NPVF: variants seen among roughly 807,000 people sequenced by gnomAD.
The protein encoded by NPVF is pro-FMRFamide-related neuropeptide VF.
Under a neutral mutation model 15.7 loss-of-function variants are expected in NPVF, and 17 were observed. That is an observed-to-expected ratio of 1.08 (90% CI 0.74 to 1.62). The LOEUF (loss-of-function observed/expected upper bound fraction) is 1.62, where lower values mean the gene tolerates loss of function less well. Ranked by LOEUF, NPVF falls within the 40% of genes most tolerant of loss-of-function variation. The probability of loss-of-function intolerance (pLI) is 0.00; values close to 1 mark genes in which losing one functional copy is unlikely to be tolerated. For synonymous variants in NPVF, 70 were observed against 80.1 expected (o/e 0.87, Z 0.67); for missense variants, 270 against 225.2 (o/e 1.20, Z -1.27).
intron 1 of NPVF, among the ~76,000 whole-genome samples, chr7:25,227,333 T>A (rs182622763): frequency 1.3e-4 from 20 of 152,338 alleles, no homozygotes; most frequent in South Asian, 2.1e-4. Flanking sequence ...TTTATTTTAC[T>A]GCAGTTATTC....
rs770081627 is a variant in NPVF, at chr7:25,226,880, G to A, written c.285C>T (p.Asn95=). The A allele has an allele frequency of 2.6e-5, 42 of 1,614,132 alleles. No homozygotes were observed. The highest frequency in any genetic ancestry group is 2.8e-5 in the Non-Finnish European group (33 of 1,180,012). ...FANLPLRFGR[N]VQEERSAGAT... ...CTCCAGCACTTCTTTCTTCTTGAAC[G>A]TTCCTCCCAAATCTCAATGGCAAGT... The change falls in exon 2 of 3, where the codon AAC becomes AAT. Residue 95 remains asparagine, a synonymous_variant. Coordinates refer to ENST00000222674, the MANE Select transcript of NPVF (RefSeq NM_022150.3).
chr7:25,228,209 C>A (rs1783155039), intron 1 of NPVF, 93 bp downstream of exon 1: 1 of 898,874 alleles, frequency 1.1e-6, no homozygotes, highest in South Asian at 1.5e-5. Context: ...GAGTACACAC[C>A]AACTTACTTC....
chr7:25,227,618 T>C (rs770127946), intron 1 of NPVF, among the ~76,000 whole-genome samples: 6 of 152,204 alleles, frequency 3.9e-5, no homozygotes, highest in Non-Finnish European at 8.8e-5. Flanking sequence ...ATAAAATACA[T>C]TTTTAGCAAA....
In NPVF at chr7:25,226,783, G is replaced by C. The variant is rs1263762257; in HGVS notation, c.382C>G (p.Pro128Ala). The C allele has an allele frequency of 1.7e-5, 28 of 1,613,992 alleles. No individual in the cohort carries two copies. ...VSLVRRVPNL[P>A]QRFGRTTTAK... ...GTTGTTGTTCTCCCAAACCTTTGGG[G>C]CAGGTTAGGAACACGTCTCACGAGG... The change falls in exon 2 of 3, where the codon CCC (proline) becomes GCC (alanine). Residue 128 changes from proline to alanine, a missense_variant. Pro to Ala is a conservative substitution (Grantham distance 27). Coordinates refer to ENST00000222674, the MANE Select transcript of NPVF (RefSeq NM_022150.3).
chr7:25,226,322 C>T (rs1024511266), intron 2 of NPVF, among the ~76,000 whole-genome samples: 6 of 152,098 alleles, frequency 3.9e-5, no homozygotes, highest in African/African-American at 9.7e-5. Context: ...AGAGGTCCAG[C>T]GTTTAGACAA....
At chr7:25,227,996 C>T (rs1041690265) in intron 1 of NPVF, among the ~76,000 whole-genome samples, 2 of 152,094 alleles carry the variant, frequency 1.3e-5, no homozygotes, top group Non-Finnish European at 2.9e-5. Flanking sequence ...CTGAAATGTA[C>T]CCAAATCTTA....
chr7:25,226,722 C>T lies in NPVF; in HGVS notation c.443G>A (p.Cys148Tyr). ...KSVCRMLSDL[C>Y]QGSMHSPCAN... The stretch of plus-strand genomic sequence containing the variant: ...ACATGGTGAATGCATGGATCCTTGA[C>T]ACAAATCACTCAGCATCCTGCAGAC... Residue 148 changes from cysteine to tyrosine, a missense_variant, in exon 2 of 3, where the codon TGT becomes TAT. Cys to Tyr is a radical substitution (Grantham distance 194). Coordinates refer to ENST00000222674, the MANE Select transcript of NPVF (RefSeq NM_022150.3). 1 of 1,614,180 alleles carries T rather than the reference C, an allele frequency of 6.2e-7. No homozygotes were observed. The highest frequency in any genetic ancestry group is 8.5e-7 in the Non-Finnish European group (1 of 1,180,030).
Position 25,228,363 on chromosome 7 carries a change from C to CA in NPVF, c.76dup (p.Cys26LeufsTer4). The CA allele has an allele frequency of 1.9e-6, 3 of 1,559,148 alleles. No homozygotes were observed. The highest frequency in any genetic ancestry group is 2.7e-6 in the Non-Finnish European group (3 of 1,131,268). ...ATTGGACATCACTAATTCATCTGCA[C>CA]AAAAAATGTTTGATGTTAACAAGCT... On this transcript the variant is annotated frameshift_variant, in exon 1 of 3. Transcript: ENST00000222674. LOFTEE classifies it high-confidence loss of function.
rs1783130901 is a variant in NPVF, at chr7:25,226,524, C to G, written c.539+102G>C. 16 of 1,363,276 alleles carry G rather than the reference C, an allele frequency of 1.2e-5. No individual in the cohort carries two copies. In the South Asian group the frequency reaches 1.9e-4, roughly 16 times the overall value. The allele number at this position is 1,363,276 out of a possible 1,614,324, so 84.4% of individuals were successfully genotyped here. On this transcript the variant is annotated intron_variant, in intron 2 of 2. Transcript: ENST00000222674. ...CCTCTCTCTCCTGCTAGGAAACTTA[C>G]TGTCTTAGAAACTTATGTTGAAAAG...
intron 1 of NPVF, among the ~76,000 whole-genome samples, chr7:25,227,609 T>C (rs1006620892): frequency 6.6e-6 from 1 of 152,196 alleles, no homozygotes; most frequent in African/African-American, 2.4e-5. Context: ...TATTAGAATA[T>C]AAAATACATT....
chr7:25,226,053 C>T (rs953529783), intron 2 of NPVF, among the ~76,000 whole-genome samples: 7 of 152,116 alleles, frequency 4.6e-5, no homozygotes, highest in Non-Finnish European at 8.8e-5. Flanking sequence ...TTTTTTTAAG[C>T]ATACGCTCTC....
Position 25,226,910 on chromosome 7 carries a change from G to A in NPVF, c.255C>T (p.Phe85=), listed in dbSNP as rs115225161. 663 of 1,614,066 alleles carry A rather than the reference G, an allele frequency of 4.1e-4. 2 individuals carry two copies. The African/African-American group carries it at 7.5e-3, about 18-fold the overall frequency. The change falls in exon 2 of 3, where the codon TTC becomes TTT. Residue 85 remains phenylalanine, a synonymous_variant. Transcript: ENST00000222674. Reference sequence around the variant, plus strand: ...TCCCAAATCTCAATGGCAAGTTGGCGAAGGAGTGTGGCATTTTATTGACTG... The same window carrying A: ...TCCCAAATCTCAATGGCAAGTTGGCAAAGGAGTGTGGCATTTTATTGACTG... ...TPAVNKMPHS[F]ANLPLRFGRN... is the part of the protein sequence containing the mutation.
Position 25,226,838 on chromosome 7 carries a change from A to G in NPVF, c.327T>C (p.Pro109=). The change falls in exon 2 of 3, where the codon CCT becomes CCC. Residue 109 remains proline (P), a synonymous_variant. Coordinates refer to ENST00000222674, the MANE Select transcript of NPVF (RefSeq NM_022150.3). ...ERSAGATANL[P]LRSGRNMEVS... ...CCTCCATATTTCTTCCAGATCTCAG[A>G]GGCAGGTTGGCTGTTGCTCCAGCAC... The G allele has an allele frequency of 6.2e-7, 1 of 1,614,176 alleles. No homozygotes were observed. Among genetic ancestry groups the G allele is most frequent in the Non-Finnish European group, 8.5e-7 (1 of 1,180,024 alleles).
Position 25,228,365 on chromosome 7 carries a change from A to G in NPVF, c.75T>C (p.Phe25=), listed in dbSNP as rs775210383. The change falls in exon 1 of 3, where the codon TTT becomes TTC. Residue 25 remains phenylalanine, a synonymous_variant. Coordinates refer to ENST00000222674, the MANE Select transcript of NPVF (RefSeq NM_022150.3). Reference sequence around the variant, plus strand: ...TGGACATCACTAATTCATCTGCACAAAAAATGTTTGATGTTAACAAGCTTG... The same window carrying G: ...TGGACATCACTAATTCATCTGCACAGAAAATGTTTGATGTTAACAAGCTTG... The part of the protein sequence containing the change: ...ATSSLLTSNI[F]CADELVMSNL... The G allele has an allele frequency of 6.4e-7, 1 of 1,562,296 alleles. No individual in the cohort carries two copies. The highest frequency in any genetic ancestry group is 2.3e-5 in the East Asian group (1 of 44,368).
At position 25,228,486 on chromosome 7, in the gene NPVF, T is replaced by C. The variant is rs761741182; in HGVS notation, c.-47A>G. ...GTCTCTATGTGCAGCCCAATGTTTA[T>C]GAGAGGAGAAAAAAATTGTGGTGTT... On this transcript the variant is annotated 5_prime_UTR_variant, in exon 1 of 3. Transcript: ENST00000222674. The C allele has an allele frequency of 1.4e-6, 2 of 1,417,268 alleles. No individual in the cohort carries two copies. Among genetic ancestry groups the C allele is most frequent in the African/African-American group, 2.9e-5 (2 of 69,484 alleles). The allele number at this position is 1,417,268 out of a possible 1,614,324, so 87.8% of individuals were successfully genotyped here. A position where few individuals can be genotyped will look rare whatever the true frequency, so the allele number is the denominator to read the frequency against.
chr7:25,226,040 A>AT (rs1423023204), intron 2 of NPVF, among the ~76,000 whole-genome samples: 2 of 152,160 alleles, frequency 1.3e-5, no homozygotes, highest in African/African-American at 4.8e-5. Flanking sequence ...ATATAAAAAA[A>AT]ATTTTTTTTA....
chr7:25,224,873 T>C lies in NPVF; in HGVS notation c.*249A>G, dbSNP rs1253782542. On this transcript the variant is annotated 3_prime_UTR_variant, in exon 3 of 3. Transcript: ENST00000222674. The stretch of plus-strand genomic sequence containing the variant: ...GGGTCCTCTGTCTCTCTCTCCATTA[T>C]CAGAGATTTCTAAAGCATTTGCAAT... 2.2e-6 allele frequency: 1 copy of C among 462,852 alleles called. No individual in the cohort carries two copies. The highest frequency in any genetic ancestry group is 3.8e-6 in the Non-Finnish European group (1 of 265,380). The allele number at this position is 462,852 out of a possible 1,614,324, so 28.7% of individuals were successfully genotyped here.
intron 2 of NPVF, among the ~76,000 whole-genome samples, chr7:25,225,594 G>T (rs1231483934): frequency 6.6e-6 from 1 of 152,190 alleles, no homozygotes; most frequent in Non-Finnish European, 1.5e-5. Context: ...TTGCCAAAGG[G>T]CGCCTCGGCT....
chr7:25,226,418 A>C (rs1783129571), intron 2 of NPVF, among the ~76,000 whole-genome samples: 3 of 152,194 alleles, frequency 2.0e-5, no homozygotes. Context: ...CCATCCTATG[A>C]TTTTATACCT....
Sources: allele counts gnomAD v4.1 joint callset (sites outside exome capture counted in the v4.1 genomes callset), GRCh38; gene constraint gnomAD v4.1.1; transcripts MANE v1.5; gene names NCBI Gene and HGNC (gene_info 2026-07-23, HGNC 2026-07-21).